RBFOX1: variants seen among roughly 807,000 people sequenced by gnomAD.
The protein encoded by RBFOX1 is RNA binding protein fox-1 homolog 1.
RBFOX1 carries 8 observed loss-of-function variants against 57.7 expected under a neutral mutation model. That is an observed-to-expected ratio of 0.14 (90% confidence interval 0.08 to 0.25). The LOEUF is 0.25. RBFOX1 is among the 10% of genes least tolerant of loss of function. The pLI, the probability that RBFOX1 is intolerant of heterozygous loss-of-function variation, is 1.00. For missense variants in RBFOX1, 611 were observed against 548.5 expected (o/e 1.11, Z -1.14); for synonymous variants, 326 against 222.4 (o/e 1.47, Z -4.15).
At chr16:6,764,004 G>C (rs969724007) in intron 3 of RBFOX1, among the ~76,000 whole-genome samples, 3 of 152,198 alleles carry the variant, frequency 2.0e-5, no homozygotes, top group Admixed American at 1.3e-4. Context: ...GAATGAGGTA[G>C]CAGGATGTTA....
chr16:6,191,104 G>T (rs2097138850), intron 1 of RBFOX1, among the ~76,000 whole-genome samples: 1 of 147,612 alleles, frequency 6.8e-6, no homozygotes, highest in East Asian at 2.0e-4. Flanking sequence ...CAGACAGCTT[G>T]GTTGGATTGA....
chr16:6,940,741 G>C (rs1460676055), intron 3 of RBFOX1, among the ~76,000 whole-genome samples: 1 of 150,984 alleles, frequency 6.6e-6, no homozygotes, highest in African/African-American at 2.4e-5. Flanking sequence ...GGGACTACAG[G>C]CGCCCGCCAC....
intron 3 of RBFOX1, among the ~76,000 whole-genome samples, chr16:6,907,934 C>G (rs1434632266): frequency 2.0e-5 from 3 of 151,614 alleles, no homozygotes; most frequent in African/African-American, 4.8e-5. Context: ...TCACCTGAAT[C>G]TCCACCTGCA....
intron 3 of RBFOX1, among the ~76,000 whole-genome samples, chr16:5,741,648 A>G (rs2151592104): frequency 6.6e-6 from 1 of 152,366 alleles, no homozygotes; most frequent in South Asian, 2.1e-4. Context: ...CGACACATAT[A>G]TCACCATTAC....
intron 2 of RBFOX1, among the ~76,000 whole-genome samples, chr16:6,601,246 G>C (rs558159679): frequency 3.9e-5 from 6 of 152,176 alleles, no homozygotes; most frequent in African/African-American, 1.4e-4. Flanking sequence ...AATTGAACCA[G>C]CATATAATTC....
chr16:7,701,760 C>T (rs189256419), intron 14 of RBFOX1, among the ~76,000 whole-genome samples: 2 of 152,268 alleles, frequency 1.3e-5, no homozygotes, highest in Admixed American at 1.3e-4. Flanking sequence ...GGAGTATTTC[C>T]CTAAATTCAC....
At chr16:7,525,579 A>G (rs1369077255) in intron 5 of RBFOX1, among the ~76,000 whole-genome samples, 2 of 152,078 alleles carry the variant, frequency 1.3e-5, no homozygotes, top group Non-Finnish European at 2.9e-5. Context: ...TGCCCAACCC[A>G]ATGTGCTAGC....
At chr16:6,611,596 G>A (rs377520272) in intron 2 of RBFOX1, among the ~76,000 whole-genome samples, 7 of 152,244 alleles carry the variant, frequency 4.6e-5, no homozygotes, top group Middle Eastern at 3.4e-3. Context: ...TTTCCTATCC[G>A]TGTTCCGCTG....
intron 3 of RBFOX1, among the ~76,000 whole-genome samples, chr16:6,700,169 A>G (rs1307584032): frequency 6.7e-6 from 1 of 150,246 alleles, no homozygotes; most frequent in Non-Finnish European, 1.5e-5. Context: ...TCAGAGCCAG[A>G]GTCGGGGGAC....
rs12600261 is a variant in RBFOX1, at chr16:6,971,572, A to G, written c.-15-80485A>G. On this transcript the variant is annotated intron_variant, in intron 3 of 15. Coordinates refer to ENST00000550418, the MANE Select transcript of RBFOX1 (RefSeq NM_018723.4). ...CAAAAGAAATGTGTTCCCAGTTTAC[A>G]TTATTAAAAGATCACCAGCTGTTAC... Among the ~76,000 whole-genome samples the G allele has an allele frequency of 7.7e-3, 1,174 of 152,162 alleles. 20 individuals carry two copies. The highest frequency in any genetic ancestry group is 0.035 in the East Asian group (181 of 5,168).
chr16:6,895,711 C>T (rs939479069), intron 3 of RBFOX1, among the ~76,000 whole-genome samples: 1 of 151,710 alleles, frequency 6.6e-6, no homozygotes, highest in African/African-American at 2.4e-5. Context: ...GTAAAGGATA[C>T]TCATGTGATT....
chr16:6,838,418 C>T (rs1429948027), intron 3 of RBFOX1, among the ~76,000 whole-genome samples: 1 of 152,124 alleles, frequency 6.6e-6, no homozygotes, highest in Non-Finnish European at 1.5e-5. Context: ...TTTCTTTATC[C>T]AGTCTATTAT....
chr16:6,818,760 G>A (rs897896682), intron 3 of RBFOX1, among the ~76,000 whole-genome samples: 3 of 152,122 alleles, frequency 2.0e-5, no homozygotes, highest in Admixed American at 2.0e-4. Context: ...TTCACAAGGG[G>A]GAGTGTGATC....
chr16:6,743,212 A>C (rs2072718508), intron 3 of RBFOX1, among the ~76,000 whole-genome samples: 1 of 152,194 alleles, frequency 6.6e-6, no homozygotes, highest in Non-Finnish European at 1.5e-5. Context: ...CAGCAAAGGA[A>C]ATAGAATAAT....
intron 4 of RBFOX1, among the ~76,000 whole-genome samples, chr16:7,098,141 G>T (rs1161181790): frequency 1.3e-5 from 2 of 152,034 alleles, no homozygotes; most frequent in Non-Finnish European, 2.9e-5. Flanking sequence ...AAGATGGAGG[G>T]TAATATGGAA....
At chr16:5,752,434 A>G (rs190209569) in intron 3 of RBFOX1, among the ~76,000 whole-genome samples, 8 of 152,326 alleles carry the variant, frequency 5.3e-5, no homozygotes, top group African/African-American at 1.7e-4. Context: ...CTTAAATGAG[A>G]CATTTTGCTC....
At chr16:6,429,346 C>T (rs1157029494) in intron 2 of RBFOX1, among the ~76,000 whole-genome samples, 1 of 152,178 alleles carries the variant, frequency 6.6e-6, no homozygotes, top group African/African-American at 2.4e-5. Flanking sequence ...TTCTTGTTGA[C>T]CCTAGGGGCT....
intron 2 of RBFOX1, among the ~76,000 whole-genome samples, chr16:6,538,398 G>T (rs113715309): frequency 0.12 from 18,001 of 152,100 alleles, 1,465 homozygotes; most frequent in East Asian, 0.41. Flanking sequence ...TGGCTGAGGT[G>T]GGAGGATCAC....
intron 3 of RBFOX1, among the ~76,000 whole-genome samples, chr16:5,782,972 G>A (rs1344395888): frequency 1.3e-5 from 2 of 152,092 alleles, no homozygotes; most frequent in African/African-American, 2.4e-5. Context: ...CACGGGTGAG[G>A]GTCATTCACT....
Sources: allele counts gnomAD v4.1 joint callset (sites outside exome capture counted in the v4.1 genomes callset), GRCh38; gene constraint gnomAD v4.1.1; transcripts MANE v1.5; gene names NCBI Gene and HGNC (gene_info 2026-07-23, HGNC 2026-07-21).